Variants in TBPL2 observed in about 807,000 individuals in gnomAD.
TBPL2 encodes the protein TATA box-binding protein-like 2.
In TBPL2, 40 loss-of-function variants were observed where a neutral mutation model predicts 38.2. The ratio of observed to expected loss-of-function variants is 1.05; its 90% CI spans 0.81 to 1.36. The LOEUF is 1.36. Among genes scored for constraint, TBPL2 ranks in the 40% most tolerant of loss-of-function variants. The probability of loss-of-function intolerance (pLI) is 0.00; values close to 1 mark genes in which losing one functional copy is unlikely to be tolerated. For synonymous variants in TBPL2, 169 were observed against 171.7 expected (o/e 0.98, Z 0.12); for missense variants, 461 against 456.7 (o/e 1.01, Z -0.09).
chr14:55,429,106 A>T, intron 4 of TBPL2, 132 bp from the exon 5 acceptor site: 1 of 1,114,200 alleles, frequency 9.0e-7, no homozygotes, highest in Non-Finnish European at 1.3e-6. Flanking sequence ...AGGCTTTGTG[A>T]GGAGGACTTA....
At chr14:55,416,170 G>T (rs1001650364) in intron 6 of TBPL2, among the ~76,000 whole-genome samples, 2 of 152,164 alleles carry the variant, frequency 1.3e-5, no homozygotes, top group African/African-American at 2.4e-5. Context: ...AGAGCCGGTG[G>T]TATATTCACA....
chr14:55,414,708 A>G (rs781779565), intron 6 of TBPL2, among the ~76,000 whole-genome samples: 1 of 152,194 alleles, frequency 6.6e-6, no homozygotes, highest in African/African-American at 2.4e-5. Flanking sequence ...GCTCAGTATG[A>G]AATGTGGAAT....
chr14:55,420,474 T>C (rs987345545), intron 6 of TBPL2, among the ~76,000 whole-genome samples: 2 of 152,236 alleles, frequency 1.3e-5, no homozygotes, highest in African/African-American at 4.8e-5. Flanking sequence ...CTAAATAGTT[T>C]AAGACAGTAT....
chr14:55,424,273 A>G lies in TBPL2; in HGVS notation c.957-20T>C. ...TCGTAACTGTTAAGATGTAAAAGGA[A>G]AATGTTAAAAATAGCACTATTCAGC... On this transcript the variant is annotated intron_variant, in intron 5 of 6. Coordinates refer to ENST00000247219, the Ensembl canonical transcript of TBPL2. 2 of 1,520,316 alleles carry G rather than the reference A, an allele frequency of 1.3e-6. No individual in the cohort carries two copies. Among genetic ancestry groups the G allele is most frequent in the Non-Finnish European group, 1.8e-6 (2 of 1,095,898 alleles). The allele number at this position is 1,520,316 out of a possible 1,614,324, so 94.2% of individuals were successfully genotyped here.
chr14:55,420,027 T>C (rs893934408), intron 6 of TBPL2, among the ~76,000 whole-genome samples: 1 of 152,224 alleles, frequency 6.6e-6, no homozygotes, highest in African/African-American at 2.4e-5. Flanking sequence ...CCTTGGTTCC[T>C]TTCCTGAGGT....
At chr14:55,437,828 C>A (rs1293091612) in intron 1 of TBPL2, among the ~76,000 whole-genome samples, 1 of 152,150 alleles carries the variant, frequency 6.6e-6, no homozygotes, top group Non-Finnish European at 1.5e-5. Flanking sequence ...GTTATTCCTT[C>A]TAGGCAAAGG....
intron 6 of TBPL2, 87 bp downstream of exon 6, chr14:55,424,072 A>G (rs1885783810): frequency 2.2e-6 from 2 of 894,570 alleles, no homozygotes; most frequent in East Asian, 2.4e-5. Context: ...TTACTTTACC[A>G]TGGTGAACAA....
chr14:55,430,239 G>GA (rs1885903878), intron 4 of TBPL2, among the ~76,000 whole-genome samples: 1 of 151,984 alleles, frequency 6.6e-6, no homozygotes, highest in African/African-American at 2.4e-5. Flanking sequence ...CTGTAAATCA[G>GA]AAACACCTGA....
intron 6 of TBPL2, among the ~76,000 whole-genome samples, chr14:55,418,547 T>A (rs1214711670): frequency 1.3e-5 from 2 of 152,176 alleles, no homozygotes; most frequent in Non-Finnish European, 2.9e-5. Context: ...GGGGTTACTG[T>A]TAACAATTGG....
At chr14:55,432,238 G>A (rs1206265754) in intron 4 of TBPL2, among the ~76,000 whole-genome samples, 2 of 119,928 alleles carry the variant, frequency 1.7e-5, no homozygotes, top group Admixed American at 9.5e-5. Context: ...GGAAACCCCC[G>A]TCTCTACAAA....
At chr14:55,414,676 G>C (rs1296788087) in intron 6 of TBPL2, among the ~76,000 whole-genome samples, 1 of 152,132 alleles carries the variant, frequency 6.6e-6, no homozygotes, top group Non-Finnish European at 1.5e-5. Context: ...TTCTCTGTGG[G>C]TGTCATCTTT....
intron 6 of TBPL2, among the ~76,000 whole-genome samples, chr14:55,417,962 T>A (rs898691432): frequency 3.3e-5 from 5 of 152,222 alleles, no homozygotes; most frequent in Non-Finnish European, 7.3e-5. Flanking sequence ...CTTTCAGTTT[T>A]CTTACTTGTA....
chr14:55,414,664 A>T (rs906188203), intron 6 of TBPL2, among the ~76,000 whole-genome samples: 8 of 152,116 alleles, frequency 5.3e-5, no homozygotes, highest in African/African-American at 1.9e-4. Flanking sequence ...GTTTTCTAGA[A>T]CTTCTCTGTG....
intron 1 of TBPL2, 110 bp from the exon 2 acceptor site, chr14:55,437,128 G>C (rs569332639): frequency 5.1e-4 from 482 of 952,732 alleles, no homozygotes; most frequent in Non-Finnish European, 7.4e-4. Context: ...AGTGTAAGAG[G>C]CAGTTCAAGA....
At chr14:55,428,779 C>T (rs777246585) in intron 5 of TBPL2, 28 bp downstream of exon 5, 62 of 1,578,098 alleles carry the variant, frequency 3.9e-5, no homozygotes, top group Non-Finnish European at 5.1e-5. Flanking sequence ...TTGGTAAATT[C>T]AAAGTTCAAG....
chr14:55,439,606 A>G (rs1886073490), intron 1 of TBPL2, among the ~76,000 whole-genome samples: 1 of 63,986 alleles, frequency 1.6e-5, no homozygotes, highest in Admixed American at 2.1e-4. Flanking sequence ...GCCTGGGGAG[A>G]AAAGCAAACC....
At chr14:55,439,617 C>CG (rs1555344747) in intron 1 of TBPL2, among the ~76,000 whole-genome samples, 2 of 72,628 alleles carry the variant, frequency 2.8e-5, no homozygotes, top group Non-Finnish European at 5.9e-5. Flanking sequence ...AAAGCAAACC[C>CG]CCCCCCGTCT....
chr14:55,440,529 C>T lies in TBPL2; in HGVS notation c.17G>A (p.Trp6Ter), dbSNP rs779347580. Residue 6 changes from tryptophan (W) to a stop codon, truncating the protein, a stop_gained, in exon 1 of 7, where the codon TGG becomes TAG. The change creates a premature stop within an existing upstream ORF in the 5' untranslated region. Coordinates refer to ENST00000247219, the Ensembl canonical transcript of TBPL2. LOFTEE classifies it high-confidence loss of function. ...GAGCAGCCTCGGAACCCGCTCCGGCCAGGGCGCAGAGGCCATTTATGAGCC... is the reference window on the plus strand; with the variant it reads ...GAGCAGCCTCGGAACCCGCTCCGGCTAGGGCGCAGAGGCCATTTATGAGCC... The T allele has an allele frequency of 6.2e-7, 1 of 1,607,252 alleles. No homozygotes were observed. Among genetic ancestry groups the T allele is most frequent in the East Asian group, 2.2e-5 (1 of 44,774 alleles).
rs776469661 is a variant in TBPL2 at position 55,414,457 on chromosome 14, T to C, written c.1052-2A>G. 1.3e-6 allele frequency: 2 copies of C among 1,594,696 alleles called. No individual in the cohort carries two copies. The stretch of plus-strand genomic sequence containing the variant: ...AGATCTCAGAACGTTCTTTGGCACC[T>C]ATAAAGAAATCCAGGTTTATATAAT... On this transcript the variant is annotated splice_acceptor_variant, in intron 6 of 6. Transcript: ENST00000247219. LOFTEE classifies it high-confidence loss of function.
Sources: allele counts gnomAD v4.1 joint callset (sites outside exome capture counted in the v4.1 genomes callset), GRCh38; gene constraint gnomAD v4.1.1; transcripts MANE v1.5; gene names NCBI Gene and HGNC (gene_info 2026-07-23, HGNC 2026-07-21).